The following MAPK8IP2 variants were observed in gnomAD, a reference collection of about 807,000 sequenced individuals.
MAPK8IP2 encodes the protein C-Jun-amino-terminal kinase-interacting protein 2.
A neutral mutation model predicts 75.6 loss-of-function variants in MAPK8IP2; 15 were observed. The observed-to-expected ratio is 0.20, with a 90% CI of 0.13 to 0.31. MAPK8IP2 has a LOEUF of 0.31. Among genes scored for constraint, MAPK8IP2 ranks in the 10% least tolerant of loss-of-function variants. The pLI is 1.00. For synonymous variants in MAPK8IP2, 632 were observed against 554.5 expected, an observed-to-expected ratio of 1.14 and a Z score of -1.96; for missense variants, 1,089 against 1,211.2, an observed-to-expected ratio of 0.90 and a Z score of 1.50.
chr22:50,608,732 CCAGA>C (rs2071093733), intron 10 of MAPK8IP2, among the ~76,000 whole-genome samples: 1 of 148,782 alleles, frequency 6.7e-6, no homozygotes, highest in Admixed American at 6.7e-5. Flanking sequence ...CGGGCGCAGA[CCAGA>C]CAGTGGGGCC....
intron 2 of MAPK8IP2, among the ~76,000 whole-genome samples, chr22:50,602,644 A>G (rs1385002237): frequency 1.3e-5 from 2 of 152,194 alleles, no homozygotes; most frequent in Admixed American, 1.3e-4. Flanking sequence ...TGGGGTAGGT[A>G]GGAGGGAATG....
intron 2 of MAPK8IP2, 138 bp from the exon 3 acceptor site, chr22:50,603,085 C>A: frequency 6.4e-7 from 1 of 1,551,478 alleles, no homozygotes; most frequent in Non-Finnish European, 8.7e-7. Context: ...AAACATCGCC[C>A]TGTAGACAGA....
At position 50,605,698 on chromosome 22, in the gene MAPK8IP2, G is replaced by A. The variant is rs761936935; in HGVS notation, c.1978G>A (p.Ala660Thr). The A allele has an allele frequency of 1.1e-5, 18 of 1,611,248 alleles. No individual in the cohort carries two copies. Among genetic ancestry groups the A allele is most frequent in the East Asian group, 2.2e-5 (1 of 44,870 alleles). ...GCGCGGTGTGTTTCCTGCCTTCTAC[G>A]CCCATGCGGTGCCCGGCCCTGCCAA... ...GERGVFPAFYAHAVPGPAKDL... is the reference protein window; with the variant it reads ...GERGVFPAFYTHAVPGPAKDL... Residue 660 changes from alanine to threonine, a missense_variant, in exon 7 of 12, where the codon GCC becomes ACC. Physicochemically the swap from Ala to Thr is moderately conservative, Grantham distance 58 (BLOSUM62 0). Coordinates refer to ENST00000329492, the MANE Select transcript of MAPK8IP2 (RefSeq NM_012324.6).
At position 50,604,613 on chromosome 22, in the gene MAPK8IP2, C is replaced by T; in HGVS notation, c.1314C>T (p.Leu438=). 6.6e-7 allele frequency: 1 copy of T among 1,504,478 alleles called. No homozygotes were observed. The highest frequency in any genetic ancestry group is 2.6e-5 in the East Asian group (1 of 38,608). 93.2% of individuals were successfully genotyped at this position (1,504,478 alleles called of 1,614,324 possible). Residue 438 remains leucine (L), a synonymous_variant, in exon 5 of 12, where the codon CTC becomes CTT. Coordinates refer to ENST00000329492, the MANE Select transcript of MAPK8IP2 (RefSeq NM_012324.6). ...GPAQPGPCLF[L]SNPTRDTITP... ...CGCAGCCCGGGCCCTGCCTATTCCTCAGCAACCCCACGCGTGACACCATCA... is the reference window on the plus strand; with the variant it reads ...CGCAGCCCGGGCCCTGCCTATTCCTTAGCAACCCCACGCGTGACACCATCA...
Position 50,611,127 on chromosome 22 carries a change from G to A in MAPK8IP2, c.*348G>A, listed in dbSNP as rs145438321. On this transcript the variant is annotated 3_prime_UTR_variant, in exon 12 of 12. Coordinates refer to ENST00000329492, the MANE Select transcript of MAPK8IP2 (RefSeq NM_012324.6). This position sits in a 1 kb window ranked among gnomAD's most constrained non-coding sequence, Gnocchi z 5.5. The stretch of plus-strand genomic sequence containing the variant: ...TTCTTCACTTTGGGGTCAGAACTTC[G>A]GGGGTGTGGAGGAGGTGCGGCTCTA... 415 of 235,096 alleles carry A rather than the reference G, an allele frequency of 1.8e-3. 2 individuals carry two copies. The highest frequency in any genetic ancestry group is 8.9e-3 in the African/African-American group (398 of 44,538). The allele number at this position is 235,096 out of a possible 1,614,324, so 14.6% of individuals were successfully genotyped here. A position where few individuals can be genotyped will look rare whatever the true frequency, so the allele number is the denominator to read the frequency against.
At chr22:50,601,946 G>T (rs944699997) in intron 2 of MAPK8IP2, 52 bp downstream of exon 2, 1 of 1,465,634 alleles carries the variant, frequency 6.8e-7, no homozygotes, top group Admixed American at 1.7e-5. Flanking sequence ...GCCTCATTAG[G>T]TTCTTCTTAG....
rs762309133 is a variant in MAPK8IP2 at position 50,607,023 on chromosome 22, C to T, written c.2303+32C>T. On this transcript the variant is annotated intron_variant, in intron 10 of 11. Transcript: ENST00000329492. This position sits in a 1 kb window ranked among gnomAD's most constrained non-coding sequence, Gnocchi z 5.6. ...GTCTGACCGTCCCCGAGTCCCCCAA[C>T]CGCCCCCACAAACCCTGAGAGTCCA... 7 of 1,584,912 alleles carry T rather than the reference C, an allele frequency of 4.4e-6. No homozygotes were observed. Among genetic ancestry groups the T allele is most frequent in the East Asian group, 2.2e-5 (1 of 44,708 alleles).
At position 50,610,184 on chromosome 22, in the gene MAPK8IP2, C is replaced by A; in HGVS notation, c.2304-28C>A. ...GGCCAAGGCTGGGCCAGGGCTCTGA[C>A]GTGCCCTCCACACTGACTTGCCCGC... On this transcript the variant is annotated intron_variant, in intron 10 of 11. Coordinates refer to ENST00000329492, the MANE Select transcript of MAPK8IP2 (RefSeq NM_012324.6). This position sits in a 1 kb window ranked among gnomAD's most constrained non-coding sequence, Gnocchi z 4.3. The A allele has an allele frequency of 6.4e-7, 1 of 1,552,334 alleles. No individual in the cohort carries two copies. Among genetic ancestry groups the A allele is most frequent in the Non-Finnish European group, 8.8e-7 (1 of 1,136,468 alleles).
In MAPK8IP2 at chr22:50,605,898, C is replaced by T. The variant is rs1415292824; in HGVS notation, c.2088C>T (p.His696=). Residue 696 remains histidine, a synonymous_variant, in exon 8 of 12, where the codon CAC becomes CAT. Transcript: ENST00000329492. The part of the protein sequence containing the change: ...QFLGSVEVPC[H]QGNGILCAAM... ...TGGGCTCCGTGGAGGTGCCCTGCCACCAGGGCAACGGCATCCTGTGTGCAG... is the reference window on the plus strand; with the variant it reads ...TGGGCTCCGTGGAGGTGCCCTGCCATCAGGGCAACGGCATCCTGTGTGCAG... 6.9e-6 allele frequency: 11 copies of T among 1,585,222 alleles called. No homozygotes were observed. In the South Asian group the frequency reaches 9.2e-5, roughly 13 times the overall value.
At position 50,603,850 on chromosome 22, in the gene MAPK8IP2, G is replaced by T. The variant is rs911878459; in HGVS notation, c.551G>T (p.Gly184Val). 4 of 1,529,066 alleles carry T rather than the reference G, an allele frequency of 2.6e-6. No homozygotes were observed. In the Admixed American group the frequency reaches 8.1e-5, roughly 31 times the overall value. 94.7% of individuals were successfully genotyped at this position (1,529,066 alleles called of 1,614,324 possible). A position where few individuals can be genotyped will look rare whatever the true frequency, so the allele number is the denominator to read the frequency against. The change falls in exon 5 of 12, where the codon GGC (glycine) becomes GTC (valine). Residue 184 changes from glycine to valine, a missense_variant. Physicochemically the swap from Gly to Val is moderately radical, Grantham distance 109. Coordinates refer to ENST00000329492, the MANE Select transcript of MAPK8IP2 (RefSeq NM_012324.6). ...PAPEALRELP[G>V]PLPATDTGPG... ...CCTCCCTGCCCAGCAGAGCTCCCGG[G>T]CCCCCTCCCTGCCACGGACACCGGG... is the stretch of plus-strand genomic sequence containing the variant.
Position 50,604,374 on chromosome 22 carries a change from A to G in MAPK8IP2, c.1075A>G (p.Ile359Val), listed in dbSNP as rs777483335. 15 of 1,531,146 alleles carry G rather than the reference A, an allele frequency of 9.8e-6. No homozygotes were observed. The South Asian group carries it at 1.8e-4, about 18-fold the overall frequency. The allele number at this position is 1,531,146 out of a possible 1,614,324, so 94.8% of individuals were successfully genotyped here. Reference sequence around the variant, plus strand: ...GCTCAGCAACCTGGTGAGCCGCATGATCTCCGAGGGCTCCTCGCCCATCCG... The same window carrying G: ...GCTCAGCAACCTGGTGAGCCGCATGGTCTCCGAGGGCTCCTCGCCCATCCG... Reference protein sequence around the residue: ...WLLSNLVSRMISEGSSPIRCP... With the variant: ...WLLSNLVSRMVSEGSSPIRCP... The change falls in exon 5 of 12, where the codon ATC becomes GTC. Residue 359 changes from isoleucine to valine, a missense_variant. Transcript: ENST00000329492.
intron 5 of MAPK8IP2, 52 bp downstream of exon 5, chr22:50,605,116 C>A: frequency 6.3e-7 from 1 of 1,596,956 alleles, no homozygotes; most frequent in Non-Finnish European, 8.6e-7. Flanking sequence ...GTGCAGACTC[C>A]CTGGCCCCAG....
chr22:50,608,327 C>T (rs5770798), intron 10 of MAPK8IP2, among the ~76,000 whole-genome samples: 5,278 of 134,834 alleles, frequency 0.039, 210 homozygotes, highest in East Asian at 0.24. Context: ...GGTGGGACAG[C>T]GGGCAGGGGC....
chr22:50,603,744 C>G, intron 4 of MAPK8IP2, 25 bp downstream of exon 4: 2 of 1,550,442 alleles, frequency 1.3e-6, no homozygotes, highest in Non-Finnish European at 1.7e-6. Flanking sequence ...GCCCGCGGGG[C>G]GCGGGGAAGC....
intron 10 of MAPK8IP2, among the ~76,000 whole-genome samples, chr22:50,608,605 A>G (rs112645529): frequency 0.08 from 3,855 of 48,038 alleles, no homozygotes; most frequent in Middle Eastern, 0.12. Context: ...CGGGACAGCG[A>G]ACGGGGCGCA....
intron 1 of MAPK8IP2, 69 bp downstream of exon 1, chr22:50,600,952 C>G: frequency 1.9e-6 from 1 of 525,012 alleles, no homozygotes; most frequent in Non-Finnish European, 2.5e-6. Flanking sequence ...CCCGACCCGG[C>G]CCGGACCCCC....
At chr22:50,609,205 G>C (rs1257374800) in intron 10 of MAPK8IP2, among the ~76,000 whole-genome samples, 1 of 152,188 alleles carries the variant, frequency 6.6e-6, no homozygotes, top group Non-Finnish European at 1.5e-5. Context: ...GGGGTGTGCT[G>C]TGTTGGGATC....
chr22:50,610,626 A>C lies in MAPK8IP2; in HGVS notation c.2403-81A>C, dbSNP rs1038060391. 8.9e-7 allele frequency: 1 copy of C among 1,123,500 alleles called. No individual in the cohort carries two copies. The allele number at this position is 1,123,500 out of a possible 1,614,324, so 69.6% of individuals were successfully genotyped here. On this transcript the variant is annotated intron_variant, in intron 11 of 11. Transcript: ENST00000329492. The surrounding 1 kb of genome is among the most constrained non-coding windows in gnomAD (Gnocchi z 4.3). ...ATGGCTGCAGAGGGAGGAAGGAGGG[A>C]GAGCTCAGAGGCTCTGTGGAAGGCA... is the stretch of plus-strand genomic sequence containing the variant.
In MAPK8IP2 at chr22:50,604,640, G is replaced by C. The variant is rs943259818; in HGVS notation, c.1341G>C (p.Thr447=). Residue 447 remains threonine, a synonymous_variant, in exon 5 of 12, where the codon ACG becomes ACC. Transcript: ENST00000329492. ...GCAACCCCACGCGTGACACCATCAC[G>C]CCGCTGTGGGCCGCGCCCGGCCGCG... The part of the protein sequence containing the change: ...FLSNPTRDTI[T]PLWAAPGRAA... The C allele has an allele frequency of 2.0e-6, 3 of 1,516,836 alleles. No individual in the cohort carries two copies. In the African/African-American group the frequency reaches 4.3e-5, roughly 22 times the overall value. 94.0% of individuals were successfully genotyped at this position (1,516,836 alleles called of 1,614,324 possible).
Sources: gnomAD v4.1 joint callset for allele counts (sites outside exome capture counted in the v4.1 genomes callset) on GRCh38, gnomAD v4.1.1 for gene constraint, Gnocchi (gnomAD v3.1) non-coding constraint, MANE v1.5 for transcripts, NCBI Gene and HGNC (gene_info 2026-07-23, HGNC 2026-07-21) for gene names.